Variants in ACTL8 observed in about 807,000 individuals in gnomAD.
ACTL8 encodes actin-like protein 8.
ACTL8 carries 3 observed loss-of-function variants against 9.3 expected under a neutral mutation model. That is an observed-to-expected ratio of 0.32 (90% CI 0.15 to 0.83). ACTL8 has a LOEUF of 0.83. Among genes scored for constraint, ACTL8 ranks in the 40% least tolerant of loss-of-function variants. The pLI is 0.57. For missense variants in ACTL8, 381 were observed against 492.2 expected, an observed-to-expected ratio of 0.77 and a Z score of 2.14; for synonymous variants, 224 against 205.9, an observed-to-expected ratio of 1.09 and a Z score of -0.75.
At chr1:17,806,556 A>T (rs1378616757) in intron 1 of ACTL8, among the ~76,000 whole-genome samples, 1 of 152,208 alleles carries the variant, frequency 6.6e-6, no homozygotes, top group East Asian at 1.9e-4. Flanking sequence ...CTTGGTCCCC[A>T]GGAAGGGGAC....
intron 1 of ACTL8, among the ~76,000 whole-genome samples, chr1:17,812,876 C>A (rs1310704369): frequency 6.6e-6 from 1 of 152,000 alleles, no homozygotes; most frequent in Non-Finnish European, 1.5e-5. Context: ...AGATTTATAC[C>A]AAAGTATCTC....
intron 1 of ACTL8, among the ~76,000 whole-genome samples, chr1:17,777,730 A>G (rs959623990): frequency 3.3e-5 from 5 of 151,674 alleles, no homozygotes; most frequent in Non-Finnish European, 7.4e-5. Context: ...AAACAGTCTC[A>G]CTCTGTCACC....
chr1:17,794,191 G>C (rs913554543), intron 1 of ACTL8, among the ~76,000 whole-genome samples: 3 of 152,166 alleles, frequency 2.0e-5, no homozygotes, highest in African/African-American at 7.2e-5. Context: ...GTGGAGAGTG[G>C]GTAATATCTG....
Position 17,822,769 on chromosome 1 carries a change from TC to T in ACTL8, c.-24-214del, listed in dbSNP as rs1437348314. Among the ~76,000 whole-genome samples, 3 of 152,092 alleles carry T rather than the reference TC, an allele frequency of 2.0e-5. No homozygotes were observed. In the East Asian group the frequency reaches 5.8e-4, roughly 29 times the overall value. On this transcript the variant is annotated intron_variant, in intron 1 of 2. Coordinates refer to ENST00000375406, the MANE Select transcript of ACTL8 (RefSeq NM_030812.3). ...GTGGGCAGGAGGGGTGGGGGCCACT[TC>T]CTGGATGTGGCCCATTAAGGGAGCC...
chr1:17,763,718 G>T (rs2066023759), intron 1 of ACTL8, among the ~76,000 whole-genome samples: 1 of 152,194 alleles, frequency 6.6e-6, no homozygotes, highest in Non-Finnish European at 1.5e-5. Context: ...GGCAGGGGAA[G>T]GCTTATGGCA....
At chr1:17,757,732 T>A (rs902435806) in intron 1 of ACTL8, among the ~76,000 whole-genome samples, 3 of 152,136 alleles carry the variant, frequency 2.0e-5, no homozygotes, top group Non-Finnish European at 2.9e-5. Context: ...GTGACATGTA[T>A]GGGAGTGGAT....
chr1:17,762,458 GTCAGCTGTTAAAAGGC>G (rs2066013220), intron 1 of ACTL8, among the ~76,000 whole-genome samples: 1 of 152,118 alleles, frequency 6.6e-6, no homozygotes, highest in Non-Finnish European at 1.5e-5. Context: ...CAGACCGAGA[GTCAGCTGTTAAAAGGC>G]TCACACCTGG....
intron 1 of ACTL8, among the ~76,000 whole-genome samples, chr1:17,795,532 GAGA>G (rs1359695445): frequency 2.0e-5 from 3 of 152,138 alleles, no homozygotes; most frequent in Non-Finnish European, 4.4e-5. Context: ...GGGTCTAAGA[GAGA>G]AGCTTTAGCT....
At chr1:17,781,136 G>A (rs1287114286) in intron 1 of ACTL8, among the ~76,000 whole-genome samples, 2 of 152,018 alleles carry the variant, frequency 1.3e-5, no homozygotes, top group East Asian at 3.9e-4. Flanking sequence ...CTGGCATGTG[G>A]CTGCATCACT....
intron 1 of ACTL8, among the ~76,000 whole-genome samples, chr1:17,796,251 T>C (rs1049489903): frequency 1.3e-5 from 2 of 150,774 alleles, no homozygotes; most frequent in African/African-American, 4.9e-5. Context: ...TGGTTTTGGG[T>C]GGGGTGGGCT....
At chr1:17,784,671 G>A (rs2066183023) in intron 1 of ACTL8, among the ~76,000 whole-genome samples, 1 of 152,144 alleles carries the variant, frequency 6.6e-6, no homozygotes. Flanking sequence ...TCAATACAAT[G>A]CTATACCCCA....
intron 1 of ACTL8, among the ~76,000 whole-genome samples, chr1:17,768,855 AGGCTGAG>A: frequency 6.6e-6 from 1 of 152,126 alleles, no homozygotes; most frequent in African/African-American, 2.4e-5. Flanking sequence ...TTTGGACACC[AGGCTGAG>A]GAGTGTAGTC....
chr1:17,794,845 T>C (rs2066265961), intron 1 of ACTL8, among the ~76,000 whole-genome samples: 1 of 152,174 alleles, frequency 6.6e-6, no homozygotes, highest in Non-Finnish European at 1.5e-5. Flanking sequence ...GAAAACAGAA[T>C]TGCCCTTGTG....
chr1:17,797,671 C>A (rs143427548), intron 1 of ACTL8, among the ~76,000 whole-genome samples: 291 of 152,338 alleles, frequency 1.9e-3, no homozygotes, highest in Non-Finnish European at 3.5e-3. Context: ...TGGAAGCCCA[C>A]AGGCCTGGGT....
At position 17,825,991 on chromosome 1, in the gene ACTL8, A is replaced by C. The variant is rs780370614; in HGVS notation, c.573A>C (p.Glu191Asp). The part of the protein sequence containing the change: ...SAYLLKSLFK[E>D]DCDRRCLFQL... ...ATCTCCTCAAGAGTCTCTTTAAGGA[A>C]GATTGCGATAGACGCTGCCTGTTTC... is the stretch of plus-strand genomic sequence containing the variant. The change falls in exon 3 of 3, where the codon GAA becomes GAC. Residue 191 changes from glutamate to aspartate, a missense_variant. This residue lies in a region of ACTL8 where 243 missense variants were observed against 276.2 expected (regional missense o/e 0.88). Transcript: ENST00000375406. 4 of 1,608,524 alleles carry C rather than the reference A, an allele frequency of 2.5e-6. No homozygotes were observed. In the East Asian group the frequency reaches 8.9e-5, roughly 36 times the overall value.
chr1:17,765,724 C>G (rs917583092), intron 1 of ACTL8, among the ~76,000 whole-genome samples: 2 of 152,210 alleles, frequency 1.3e-5, no homozygotes, highest in Non-Finnish European at 2.9e-5. Context: ...GTCTCCACTC[C>G]CCGGAATGTG....
At chr1:17,778,503 T>G (rs1382799715) in intron 1 of ACTL8, among the ~76,000 whole-genome samples, 7 of 152,046 alleles carry the variant, frequency 4.6e-5, no homozygotes, top group African/African-American at 1.7e-4. Context: ...TGGCTCCTGA[T>G]TCAGAGAAGG....
intron 1 of ACTL8, among the ~76,000 whole-genome samples, chr1:17,812,421 T>A (rs1286249095): frequency 6.7e-6 from 1 of 149,632 alleles, no homozygotes; most frequent in Non-Finnish European, 1.5e-5. Context: ...ATATCTATTT[T>A]TTTTCCTTTT....
At chr1:17,815,480 G>A (rs1342331255) in intron 1 of ACTL8, among the ~76,000 whole-genome samples, 1 of 151,754 alleles carries the variant, frequency 6.6e-6, no homozygotes, top group Non-Finnish European at 1.5e-5. Context: ...ACTGTCTTCT[G>A]GACTCCATTT....
Sources: allele counts gnomAD v4.1 joint callset (sites outside exome capture counted in the v4.1 genomes callset), GRCh38; gene constraint gnomAD v4.1.1; regional missense constraint gnomAD v4.1.1; transcripts MANE v1.5; gene names NCBI Gene and HGNC (gene_info 2026-07-23, HGNC 2026-07-21).